The following C6orf163 variants were observed in gnomAD, a reference collection of about 807,000 sequenced individuals.
The protein encoded by C6orf163 is uncharacterized protein C6orf163.
In C6orf163, 22 loss-of-function variants were observed where a neutral mutation model predicts 28.4. The ratio of observed to expected loss-of-function variants is 0.78; its 90% confidence interval spans 0.55 to 1.11. C6orf163 has a LOEUF of 1.11. Ranked by LOEUF, C6orf163 falls within the 50% of genes least tolerant of loss-of-function variation. C6orf163 has a pLI of 0.00. For synonymous variants in C6orf163, 110 were observed against 123.6 expected (o/e 0.89, Z 0.73); for missense variants, 342 against 389.1 (o/e 0.88, Z 1.02).
At chr6:87,351,857 G>A (rs16879144) in intron 3 of C6orf163, among the ~76,000 whole-genome samples, 5,126 of 152,252 alleles carry the variant, frequency 0.034, 300 homozygotes, top group African/African-American at 0.11. Flanking sequence ...CTATAATGCT[G>A]CAGCCAGAGG....
rs1777484770 is a variant in C6orf163 at position 87,355,451 on chromosome 6, C to T, written c.352-850C>T. Among the ~76,000 whole-genome samples the T allele has an allele frequency of 1.3e-5, 2 of 152,012 alleles. 1 individual carries two copies. The highest frequency in any genetic ancestry group is 4.2e-4 in the South Asian group (2 of 4,816). ...TGGCAAGTGTCTGTCGTCTCAGCTACATGGGAGGCTGAGGTGGGAGGACTG... is the reference window on the plus strand; with the variant it reads ...TGGCAAGTGTCTGTCGTCTCAGCTATATGGGAGGCTGAGGTGGGAGGACTG... On this transcript the variant is annotated intron_variant, in intron 3 of 4. Coordinates refer to ENST00000388923, the MANE Select transcript of C6orf163 (RefSeq NM_001010868.3).
Position 87,345,032 on chromosome 6 carries a change from T to C in C6orf163, c.-68T>C, listed in dbSNP as rs545514751. The C allele has an allele frequency of 9.1e-5, 123 of 1,353,262 alleles. No homozygotes were observed. The African/African-American group carries it at 1.6e-3, about 18-fold the overall frequency. 83.8% of individuals were successfully genotyped at this position (1,353,262 alleles called of 1,614,324 possible). A position where few individuals can be genotyped will look rare whatever the true frequency, so the allele number is the denominator to read the frequency against. ...GCTTTCTTAAACTTTCAGCTTTTCT[T>C]GAAACGACTTTTTCTGATTCTAAGA... is the stretch of plus-strand genomic sequence containing the variant. On this transcript the variant is annotated 5_prime_UTR_variant, in exon 1 of 5. Coordinates refer to ENST00000388923, the MANE Select transcript of C6orf163 (RefSeq NM_001010868.3).
intron 1 of C6orf163, among the ~76,000 whole-genome samples, chr6:87,346,001 A>G (rs1188817): frequency 0.59 from 87,268 of 148,880 alleles, 25,988 homozygotes; most frequent in African/African-American, 0.63. Context: ...AGTAGCTGGT[A>G]GCATAAAAGT....
chr6:87,344,933 C>T lies in C6orf163; in HGVS notation c.-167C>T, dbSNP rs1347865905. The stretch of plus-strand genomic sequence containing the variant: ...CCATTCTTTAACGTTAGACACATAA[C>T]CACAGCCTAATCACTTGAACCATTT... On this transcript the variant is annotated 5_prime_UTR_variant, in exon 1 of 5. Coordinates refer to ENST00000388923, the MANE Select transcript of C6orf163 (RefSeq NM_001010868.3). The T allele has an allele frequency of 1.1e-5, 6 of 564,374 alleles. No homozygotes were observed. Among genetic ancestry groups the T allele is most frequent in the Admixed American group, 1.0e-4 (3 of 29,388 alleles). 35.0% of individuals were successfully genotyped at this position (564,374 alleles called of 1,614,324 possible).
At chr6:87,351,336 G>A (rs1437559312) in intron 3 of C6orf163, among the ~76,000 whole-genome samples, 1 of 152,256 alleles carries the variant, frequency 6.6e-6, no homozygotes, top group African/African-American at 2.4e-5. Context: ...CTTAGGAACA[G>A]TAATGAGCAG....
chr6:87,348,593 G>C, intron 1 of C6orf163: 1 of 1,316,046 alleles, frequency 7.6e-7, no homozygotes, highest in Non-Finnish European at 9.7e-7. Flanking sequence ...GTGTGATGAG[G>C]GGAATGACCA....
At chr6:87,348,502 C>T in intron 1 of C6orf163, 1 of 1,085,456 alleles carries the variant, frequency 9.2e-7, no homozygotes, top group South Asian at 3.1e-5. Flanking sequence ...ATTCACTCAT[C>T]ATTCTACTTT....
chr6:87,354,060 T>G (rs1777460302), intron 3 of C6orf163, among the ~76,000 whole-genome samples: 1 of 152,118 alleles, frequency 6.6e-6, no homozygotes, highest in South Asian at 2.1e-4. Context: ...CATGTTGGCC[T>G]GGCAGCCAGG....
chr6:87,348,527 T>C, intron 1 of C6orf163: 1 of 1,149,064 alleles, frequency 8.7e-7, no homozygotes, highest in Non-Finnish European at 1.1e-6. Flanking sequence ...GTACAAAATA[T>C]GTCCCTTTCT....
chr6:87,360,460 G>A (rs185925062), intron 4 of C6orf163, among the ~76,000 whole-genome samples: 7 of 147,984 alleles, frequency 4.7e-5, no homozygotes, highest in African/African-American at 1.0e-4. Flanking sequence ...GCAGTGATGC[G>A]ATTTCTGCTC....
intron 4 of C6orf163, among the ~76,000 whole-genome samples, chr6:87,362,468 T>C (rs1777594920): frequency 6.6e-6 from 1 of 152,108 alleles, no homozygotes. Flanking sequence ...CAGAGCAAGA[T>C]TCATCTGTAA....
intron 2 of C6orf163, 55 bp from the exon 3 acceptor site, chr6:87,350,339 T>A: frequency 8.9e-7 from 1 of 1,127,770 alleles, no homozygotes; most frequent in Non-Finnish European, 1.3e-6. Context: ...ATAAGCCAAG[T>A]TTGCTTGTGC....
chr6:87,349,970 C>G (rs1777385962), intron 2 of C6orf163, among the ~76,000 whole-genome samples: 1 of 152,138 alleles, frequency 6.6e-6, no homozygotes, highest in Non-Finnish European at 1.5e-5. Context: ...ATGTGGGGGA[C>G]CTGGATGGTA....
At position 87,347,057 on chromosome 6, in the gene C6orf163, A is replaced by G. The variant is rs1226184430; in HGVS notation, c.149-1755A>G. 2.6e-5 allele frequency among the ~76,000 whole-genome samples: 4 copies of G among 152,268 alleles called. No individual in the cohort carries two copies. In the East Asian group the frequency reaches 5.8e-4, roughly 22 times the overall value. On this transcript the variant is annotated intron_variant, in intron 1 of 4. Transcript: ENST00000388923. ...GTGTGTATATTAATGTGCCATCACC[A>G]CAATCACAACATGGAGCTGTTCCAT...
At chr6:87,362,881 A>T (rs143531393) in intron 4 of C6orf163, among the ~76,000 whole-genome samples, 55 of 152,310 alleles carry the variant, frequency 3.6e-4, no homozygotes, top group African/African-American at 1.3e-3. Context: ...TAAAACCTCA[A>T]ATCTTTGAGG....
At position 87,350,418 on chromosome 6, in the gene C6orf163, G is replaced by A; in HGVS notation, c.268G>A (p.Val90Met). 1.3e-6 allele frequency: 2 copies of A among 1,534,528 alleles called. No individual in the cohort carries two copies. Among genetic ancestry groups the A allele is most frequent in the Non-Finnish European group, 1.7e-6 (2 of 1,145,378 alleles). The stretch of plus-strand genomic sequence containing the variant: ...GGCTAATGAACGTCAAAAACAAGCA[G>A]TGGAGAAAGCACTTGAAGAAGCAAA... ...AQANERQKQA[V>M]EKALEEANDR... Residue 90 changes from valine (V) to methionine (M), a missense_variant, in exon 3 of 5, where the codon GTG becomes ATG. Val to Met is a conservative substitution (Grantham distance 21). Coordinates refer to ENST00000388923, the MANE Select transcript of C6orf163 (RefSeq NM_001010868.3).
intron 4 of C6orf163, among the ~76,000 whole-genome samples, chr6:87,360,896 A>G (rs983347190): frequency 1.3e-5 from 2 of 152,174 alleles, no homozygotes; most frequent in African/African-American, 4.8e-5. Flanking sequence ...TGGTCATTGC[A>G]GGTCACACCC....
chr6:87,356,746 T>C (rs755560510), intron 4 of C6orf163: 36 of 443,268 alleles, frequency 8.1e-5, no homozygotes, highest in Admixed American at 3.7e-4. Context: ...AAAATTGCTG[T>C]TTTCTAAAGC....
chr6:87,348,227 C>A (rs981219864), intron 1 of C6orf163: 1 of 984,422 alleles, frequency 1.0e-6, no homozygotes, highest in Non-Finnish European at 1.2e-6. Flanking sequence ...CCTCTCTAGA[C>A]TTTTATTACC....
Sources: allele counts gnomAD v4.1 joint callset (sites outside exome capture counted in the v4.1 genomes callset), GRCh38; gene constraint gnomAD v4.1.1; transcripts MANE v1.5; gene names NCBI Gene and HGNC (gene_info 2026-07-23, HGNC 2026-07-21).